The following MTR variants were observed in gnomAD, a reference collection of about 807,000 sequenced individuals.
MTR encodes the protein methionine synthase.
MTR carries 84 observed loss-of-function variants against 154.8 expected under a neutral mutation model. The observed-to-expected ratio is 0.54, with a 90% CI of 0.45 to 0.65. MTR has a LOEUF of 0.65. MTR is among the 30% of genes least tolerant of loss of function. The pLI, the probability that MTR is intolerant of heterozygous loss-of-function variation, is 0.00. For synonymous variants in MTR, 554 were observed against 553.9 expected, an observed-to-expected ratio of 1.00 and a Z score of 0.00; for missense variants, 1,275 against 1,570.2, an observed-to-expected ratio of 0.81 and a Z score of 3.18.
Position 236,891,136 on chromosome 1 carries a change from G to A in MTR, c.3011G>A (p.Gly1004Glu). ...PKIFNDKTVG[G>E]EARKVYDDAH... ...TCTAATTCTGTTTTTCTAATAGGTG[G>A]AGAGGCCAGGAAGGTCTACGATGAT... The change falls in exon 29 of 33, where the codon GGA becomes GAA. Residue 1004 changes from glycine (G) to glutamate (E), a missense_variant. Coordinates refer to ENST00000366577, the MANE Select transcript of MTR (RefSeq NM_000254.3). The A allele has an allele frequency of 6.2e-7, 1 of 1,614,096 alleles. No individual in the cohort carries two copies. The highest frequency in any genetic ancestry group is 8.5e-7 in the Non-Finnish European group (1 of 1,180,014).
Position 236,891,348 on chromosome 1 carries a change from C to A in MTR, c.3204+19C>A. The A allele has an allele frequency of 6.2e-7, 1 of 1,609,784 alleles. No homozygotes were observed. ...GCAACAGGTATGGAAGGTGTACTGA[C>A]AGCCAGCACACCGCTTTCGCTTGTG... On this transcript the variant is annotated intron_variant, in intron 29 of 32. Coordinates refer to ENST00000366577, the MANE Select transcript of MTR (RefSeq NM_000254.3).
chr1:236,835,397 A>T, intron 13 of MTR, 150 bp from the exon 14 acceptor site: 2 of 839,666 alleles, frequency 2.4e-6, no homozygotes, highest in Non-Finnish European at 4.0e-6. Context: ...GTGATGAGTG[A>T]TGGGTGGACA....
chr1:236,886,471 G>A (rs1416326324), intron 27 of MTR, 104 bp downstream of exon 27: 8 of 1,009,392 alleles, frequency 7.9e-6, no homozygotes, highest in Middle Eastern at 2.0e-4. Context: ...AGCAGCTAAC[G>A]ACTCTCAACT....
At chr1:236,847,972 A>G (rs1663682457) in intron 15 of MTR, among the ~76,000 whole-genome samples, 2 of 152,186 alleles carry the variant, frequency 1.3e-5, no homozygotes, top group African/African-American at 2.4e-5. Context: ...CTTACGTGAT[A>G]TGAGATATGA....
Position 236,859,871 on chromosome 1 carries a change from T to G in MTR, c.1992T>G (p.Asp664Glu). 1 of 1,614,020 alleles carries G rather than the reference T, an allele frequency of 6.2e-7. No individual in the cohort carries two copies. The highest frequency in any genetic ancestry group is 8.5e-7 in the Non-Finnish European group (1 of 1,179,918). The part of the protein sequence containing the change: ...GTGGKKVIQT[D>E]EWRNGPVEER... ...GAGGGAAGAAAGTCATTCAGACTGA[T>G]GAGTGGAGAAATGGCCCTGTCGAAG... Residue 664 changes from aspartate to glutamate, a missense_variant, in exon 19 of 33, where the codon GAT (aspartate) becomes GAG (glutamate). Transcript: ENST00000366577.
At chr1:236,861,098 T>TC in intron 19 of MTR, 27 bp from the exon 20 acceptor site, 1 of 361,096 alleles carries the variant, frequency 2.8e-6, no homozygotes, top group Non-Finnish European at 4.4e-6. Context: ...TTTCTTTTTC[T>TC]TTTTTTTTTT....
chr1:236,842,511 A>C (rs981681408), intron 15 of MTR, among the ~76,000 whole-genome samples: 4 of 151,994 alleles, frequency 2.6e-5, no homozygotes, highest in Admixed American at 2.6e-4. Context: ...TCATATCTAC[A>C]TTTATCCTCC....
At chr1:236,836,604 G>T (rs1030657409) in intron 14 of MTR, among the ~76,000 whole-genome samples, 12 of 152,088 alleles carry the variant, frequency 7.9e-5, no homozygotes, top group African/African-American at 2.9e-4. Context: ...CATTTTTCAG[G>T]TTGAGCTCTT....
At chr1:236,798,084 G>A (rs1660504026) in intron 1 of MTR, among the ~76,000 whole-genome samples, 1 of 152,206 alleles carries the variant, frequency 6.6e-6, no homozygotes, top group African/African-American at 2.4e-5. Flanking sequence ...TAGGGCAGTA[G>A]TAAGATTGTT....
Position 236,820,002 on chromosome 1 carries a change from G to A in MTR, c.764+3459G>A, listed in dbSNP as rs537110042. The A allele has an allele frequency of 1.6e-4, 173 of 1,112,638 alleles. No individual in the cohort carries two copies. In the African/African-American group the frequency reaches 2.3e-3, roughly 15 times the overall value. The allele number at this position is 1,112,638 out of a possible 1,614,324, so 68.9% of individuals were successfully genotyped here. On this transcript the variant is annotated intron_variant, in intron 8 of 32. Coordinates refer to ENST00000366577, the MANE Select transcript of MTR (RefSeq NM_000254.3). ...AGCCTTCCGGGAGCCATGGCTTCTT[G>A]TGGTTACTGACTCGAGGGCTGACCA...
chr1:236,843,429 A>G (rs1276116634), intron 15 of MTR, among the ~76,000 whole-genome samples: 1 of 152,214 alleles, frequency 6.6e-6, no homozygotes, highest in African/African-American at 2.4e-5. Flanking sequence ...ATCAAATCAC[A>G]TAGGGCCTTG....
intron 6 of MTR, among the ~76,000 whole-genome samples, chr1:236,815,033 T>G (rs1661507554): frequency 6.6e-6 from 1 of 152,220 alleles, no homozygotes; most frequent in South Asian, 2.1e-4. Flanking sequence ...AAATGTGGAC[T>G]GAACAGCACA....
At chr1:236,798,497 A>C (rs73119852) in intron 1 of MTR, among the ~76,000 whole-genome samples, 12,478 of 152,178 alleles carry the variant, frequency 0.082, 1,076 homozygotes, top group African/African-American at 0.21. Flanking sequence ...ACGGAAAAAA[A>C]CCCCACAAAA....
intron 15 of MTR, among the ~76,000 whole-genome samples, chr1:236,844,461 T>C (rs1367584968): frequency 9.9e-4 from 12 of 12,150 alleles, no homozygotes; most frequent in African/African-American, 7.0e-3. Flanking sequence ...GGCGTGTGTG[T>C]GTGTGTGTGT....
intron 27 of MTR, 66 bp downstream of exon 27, chr1:236,886,433 T>C (rs911666055): frequency 8.8e-5 from 130 of 1,475,592 alleles, no homozygotes; most frequent in Non-Finnish European, 1.2e-4. Flanking sequence ...AGGAAATACA[T>C]GCATTTACTT....
chr1:236,874,264 G>A (rs376564030), intron 23 of MTR, among the ~76,000 whole-genome samples: 5 of 152,152 alleles, frequency 3.3e-5, no homozygotes, highest in African/African-American at 4.8e-5. Flanking sequence ...TTCCCCAGTC[G>A]GAAAAGATGT....
chr1:236,847,372 T>G (rs1360317295), intron 15 of MTR, among the ~76,000 whole-genome samples: 1 of 152,238 alleles, frequency 6.6e-6, no homozygotes, highest in Non-Finnish European at 1.5e-5. Context: ...CACATTGTCC[T>G]TCTCTTCCTC....
intron 25 of MTR, among the ~76,000 whole-genome samples, chr1:236,883,104 C>T (rs1196921926): frequency 7.9e-5 from 12 of 152,086 alleles, no homozygotes; most frequent in African/African-American, 2.7e-4. Flanking sequence ...TAATAAAAAA[C>T]GAGGTGCCAA....
intron 31 of MTR, among the ~76,000 whole-genome samples, chr1:236,896,081 TTCTAAA>T (rs1394371724): frequency 6.6e-6 from 1 of 152,218 alleles, no homozygotes; most frequent in Admixed American, 6.5e-5. Flanking sequence ...TGTGGATTGA[TTCTAAA>T]AGCTGAAAAT....
Sources: gnomAD v4.1 joint callset for allele counts (sites outside exome capture counted in the v4.1 genomes callset) on GRCh38, gnomAD v4.1.1 for gene constraint, MANE v1.5 for transcripts, NCBI Gene and HGNC (gene_info 2026-07-23, HGNC 2026-07-21) for gene names.